PTPRD: variants seen among roughly 807,000 people sequenced by gnomAD.
The protein encoded by PTPRD is protein tyrosine phosphatase receptor type D.
PTPRD carries 34 observed loss-of-function variants against 214.5 expected under a neutral mutation model. The observed-to-expected ratio is 0.16, with a 90% CI of 0.12 to 0.21. PTPRD has a LOEUF of 0.21. Ranked by LOEUF, PTPRD falls within the 10% of genes least tolerant of loss-of-function variation. PTPRD has a pLI of 1.00. For synonymous variants in PTPRD, 1,128 were observed against 845.7 expected (o/e 1.33, Z -5.79); for missense variants, 2,545 against 2,398.7 (o/e 1.06, Z -1.27).
intron 36 of PTPRD, among the ~76,000 whole-genome samples, chr9:8,398,325 G>C (rs529723729): frequency 1.3e-5 from 2 of 152,142 alleles, no homozygotes; most frequent in African/African-American, 4.8e-5. Context: ...TCAGCAACTT[G>C]TCCGAGCAAG....
intron 3 of PTPRD, among the ~76,000 whole-genome samples, chr9:10,058,893 A>C (rs1023552300): frequency 6.6e-6 from 1 of 152,150 alleles, no homozygotes; most frequent in East Asian, 1.9e-4. Context: ...AAATAAAATA[A>C]CCTTAACTGA....
At chr9:8,823,768 G>A (rs536906875) in intron 11 of PTPRD, among the ~76,000 whole-genome samples, 3 of 152,184 alleles carry the variant, frequency 2.0e-5, no homozygotes, top group Non-Finnish European at 4.4e-5. Flanking sequence ...CCCTAAGGGA[G>A]GGTTATTGGA....
At chr9:10,309,544 T>C (rs1207268172) in intron 3 of PTPRD, among the ~76,000 whole-genome samples, 2 of 151,196 alleles carry the variant, frequency 1.3e-5, no homozygotes, top group Non-Finnish European at 2.9e-5. Context: ...TTTGTATTTT[T>C]AGTAGAGAAG....
At chr9:9,223,215 G>C (rs1328961463) in intron 9 of PTPRD, among the ~76,000 whole-genome samples, 1 of 151,952 alleles carries the variant, frequency 6.6e-6, no homozygotes, top group Non-Finnish European at 1.5e-5. Flanking sequence ...GAGCTGTGTG[G>C]GGGAGGTGGC....
At position 10,503,177 on chromosome 9, in the gene PTPRD, A is replaced by T. The variant is rs374101084; in HGVS notation, c.-600+109221T>A. On this transcript the variant is annotated intron_variant, in intron 2 of 45. Transcript: ENST00000381196. ...AGAGTGAACAGTGAAGAATTCATTG[A>T]GACACAGCTGCAATACAAAAAAAAA... Among the ~76,000 whole-genome samples, 12 of 127,842 alleles carry T rather than the reference A, an allele frequency of 9.4e-5. 1 individual carries two copies. Among genetic ancestry groups the T allele is most frequent in the African/African-American group, 3.5e-4 (12 of 34,404 alleles). The allele number at this position is 127,842 out of a possible 152,430, so 83.9% of individuals were successfully genotyped here.
At chr9:9,282,507 T>C (rs1595111429) in intron 9 of PTPRD, among the ~76,000 whole-genome samples, 1 of 151,444 alleles carries the variant, frequency 6.6e-6, no homozygotes, top group East Asian at 2.0e-4. Flanking sequence ...TTTTAGTTTT[T>C]CTGCTCTTGT....
chr9:10,550,128 C>T (rs1158451938), intron 2 of PTPRD, among the ~76,000 whole-genome samples: 1 of 152,148 alleles, frequency 6.6e-6, no homozygotes, highest in African/African-American at 2.4e-5. Flanking sequence ...AATGCAAATG[C>T]AAAGCTGCTC....
chr9:8,610,149 T>C (rs2095392596), intron 14 of PTPRD, among the ~76,000 whole-genome samples: 1 of 114,198 alleles, frequency 8.8e-6, no homozygotes, highest in African/African-American at 3.4e-5. Context: ...GTGATCTTTA[T>C]CATCATCATT....
At chr9:10,454,809 T>C (rs1406820151) in intron 2 of PTPRD, among the ~76,000 whole-genome samples, 2 of 150,510 alleles carry the variant, frequency 1.3e-5, no homozygotes, top group African/African-American at 4.9e-5. Flanking sequence ...CTAAAAATGT[T>C]TACACACACA....
chr9:8,648,246 A>G (rs2096734837), intron 12 of PTPRD, among the ~76,000 whole-genome samples: 1 of 152,252 alleles, frequency 6.6e-6, no homozygotes, highest in Non-Finnish European at 1.5e-5. Flanking sequence ...TCTCACCATC[A>G]TAACTTTTTA....
At chr9:9,781,195 A>C (rs564436818) in intron 5 of PTPRD, among the ~76,000 whole-genome samples, 2 of 152,322 alleles carry the variant, frequency 1.3e-5, no homozygotes, top group East Asian at 3.9e-4. Context: ...GTTAATAATA[A>C]TGCAGCAACA....
chr9:8,485,722 A>T (rs907259083), intron 28 of PTPRD, 40 bp downstream of exon 28: 2 of 1,508,856 alleles, frequency 1.3e-6, no homozygotes, highest in Non-Finnish European at 9.0e-7. Flanking sequence ...AAGACTGACA[A>T]TCCTTTAAAG....
At chr9:9,253,811 T>G (rs368936242) in intron 9 of PTPRD, among the ~76,000 whole-genome samples, 9 of 152,102 alleles carry the variant, frequency 5.9e-5, no homozygotes, top group Admixed American at 1.3e-4. Context: ...ACTTGGTAAG[T>G]TAAAACAGCA....
intron 3 of PTPRD, among the ~76,000 whole-genome samples, chr9:10,328,471 G>A (rs1158987117): frequency 2.0e-5 from 3 of 151,608 alleles, no homozygotes; most frequent in Non-Finnish European, 4.4e-5. Flanking sequence ...AATGTGCATT[G>A]CACACCCCTA....
chr9:10,092,394 C>G (rs538155502), intron 3 of PTPRD, among the ~76,000 whole-genome samples: 2 of 151,360 alleles, frequency 1.3e-5, no homozygotes, highest in South Asian at 4.2e-4. Flanking sequence ...ATACAGCTGC[C>G]CCCAAACACT....
chr9:9,826,565 G>C (rs2052928291), intron 5 of PTPRD, among the ~76,000 whole-genome samples: 1 of 151,858 alleles, frequency 6.6e-6, no homozygotes, highest in Non-Finnish European at 1.5e-5. Context: ...AGCCATTATT[G>C]ATTATAAAAT....
intron 4 of PTPRD, among the ~76,000 whole-genome samples, chr9:9,999,820 G>A (rs776833753): frequency 2.0e-4 from 30 of 152,154 alleles, no homozygotes; most frequent in Non-Finnish European, 3.8e-4. Context: ...TTTACCGAAG[G>A]TTGCTAATGT....
intron 2 of PTPRD, among the ~76,000 whole-genome samples, chr9:10,542,423 G>C (rs2059311300): frequency 6.6e-6 from 1 of 152,046 alleles, no homozygotes. Flanking sequence ...CTCTATATTA[G>C]AACTTGGTCA....
chr9:8,442,054 T>C (rs1334348939), intron 34 of PTPRD, among the ~76,000 whole-genome samples: 2 of 152,154 alleles, frequency 1.3e-5, no homozygotes, highest in African/African-American at 4.8e-5. Context: ...ACCTAGGTCA[T>C]CTGTTTCAGT....
Sources: gnomAD v4.1 joint callset for allele counts (sites outside exome capture counted in the v4.1 genomes callset) on GRCh38, gnomAD v4.1.1 for gene constraint, MANE v1.5 for transcripts, NCBI Gene and HGNC (gene_info 2026-07-23, HGNC 2026-07-21) for gene names.